Variants in MTIF2 observed in about 807,000 individuals in gnomAD.
MTIF2 encodes mitochondrial translational initiation factor 2.
A neutral mutation model predicts 83.5 loss-of-function variants in MTIF2; 71 were observed. The ratio of observed to expected loss-of-function variants is 0.85; its 90% CI spans 0.70 to 1.04. MTIF2 has a LOEUF of 1.04. Ranked by LOEUF, MTIF2 falls within the 50% of genes least tolerant of loss-of-function variation. The pLI, the probability that MTIF2 is intolerant of heterozygous loss-of-function variation, is 0.00. For missense variants in MTIF2, 957 were observed against 846.5 expected (o/e 1.13, Z -1.62); for synonymous variants, 319 against 287.1 (o/e 1.11, Z -1.12).
chr2:55,237,602 T>G (rs1309487162), intron 14 of MTIF2, among the ~76,000 whole-genome samples, 174 bp from the exon 15 acceptor site: 1 of 151,412 alleles, frequency 6.6e-6, no homozygotes, highest in Non-Finnish European at 1.5e-5. Context: ...ATATTAAGAA[T>G]AAAAATGAAT....
Position 55,240,022 on chromosome 2 carries a change from T to C in MTIF2, c.1859A>G (p.Glu620Gly). ...CAGTGATCACTCACCTACTGGGTGC[T>C]CTTCCACAGCACAGGGTAATCTGCT... ...LSSRLPCAVE[E>G]HPVGEASILA... is the part of the protein sequence containing the mutation. Residue 620 changes from glutamate (E) to glycine (G), a missense_variant, in exon 14 of 16, where the codon GAG becomes GGG. Around this residue, in one of 3 missense-constraint regions of MTIF2, gnomAD observed 221 missense variants for 180.6 expected, o/e 1.22. Transcript: ENST00000263629. The C allele has an allele frequency of 3.7e-6, 6 of 1,609,974 alleles. No homozygotes were observed. The highest frequency in any genetic ancestry group is 5.1e-6 in the Non-Finnish European group (6 of 1,177,794).
rs1676709100 is a variant in MTIF2 at position 55,246,444 on chromosome 2, A to G, written c.999T>C (p.Ala333=). 1 of 1,613,848 alleles carries G rather than the reference A, an allele frequency of 6.2e-7. No individual in the cohort carries two copies. The highest frequency in any genetic ancestry group is 8.5e-7 in the Non-Finnish European group (1 of 1,179,796). ...VSALTGDNLM[A]LAEATVALAE... ...CAAGAGCAACTGTTGCTTCTGCCAA[A>G]GCCATCAGATTATCGCCCTTTAACA... is the stretch of plus-strand genomic sequence containing the variant. Residue 333 remains alanine (A), a synonymous_variant, in exon 10 of 16, where the codon GCT becomes GCC. Coordinates refer to ENST00000263629, the MANE Select transcript of MTIF2 (RefSeq NM_002453.3).
chr2:55,264,734 GGAA>G (rs1156734726), intron 3 of MTIF2, among the ~76,000 whole-genome samples: 3 of 152,146 alleles, frequency 2.0e-5, no homozygotes, highest in African/African-American at 7.2e-5. Context: ...CTTTATAGTA[GGAA>G]GAAGACACCC....
chr2:55,243,678 G>A lies in MTIF2; in HGVS notation c.1312-10C>T. ...CTTCACGTGCCCTTGGCTTTATAGG[G>A]GAAAAACGTATTATTTAATGAAATA... On this transcript the variant is annotated splice_polypyrimidine_tract_variant and intron_variant, in intron 11 of 15. Coordinates refer to ENST00000263629, the MANE Select transcript of MTIF2 (RefSeq NM_002453.3). 6.2e-7 allele frequency: 1 copy of A among 1,607,028 alleles called. No individual in the cohort carries two copies. The highest frequency in any genetic ancestry group is 8.5e-7 in the Non-Finnish European group (1 of 1,177,554).
At chr2:55,262,451 A>C (rs763893858) in intron 4 of MTIF2, 24 bp from the exon 5 acceptor site, 2 of 1,511,722 alleles carry the variant, frequency 1.3e-6, no homozygotes, top group East Asian at 4.5e-5. Flanking sequence ...CAGAACATAT[A>C]AACAAAAAGG....
intron 10 of MTIF2, among the ~76,000 whole-genome samples, chr2:55,245,436 T>G (rs1189180657): frequency 6.6e-6 from 1 of 152,076 alleles, no homozygotes; most frequent in East Asian, 1.9e-4. Flanking sequence ...GGCGGAAGAA[T>G]TGCTTGAACC....
At chr2:55,266,183 TA>T (rs997422430) in intron 3 of MTIF2, among the ~76,000 whole-genome samples, 5 of 152,276 alleles carry the variant, frequency 3.3e-5, no homozygotes, top group African/African-American at 1.2e-4. Flanking sequence ...GCGTTTACCT[TA>T]ACCATATAAA....
chr2:55,263,189 C>G (rs72799509), intron 4 of MTIF2, among the ~76,000 whole-genome samples: 10,704 of 152,214 alleles, frequency 0.07, 505 homozygotes, highest in Admixed American at 0.13. Context: ...AACGAACACT[C>G]CCATAAGTAG....
rs1677374520 is a variant in MTIF2 at position 55,254,648 on chromosome 2, T to G, written c.503+6A>C. On this transcript the variant is annotated splice_donor_region_variant and intron_variant, in intron 6 of 15. Transcript: ENST00000263629. ...AACCCTGCCAGTATATACAGTTAAG[T>G]TTTACCTTCTTACAGCATCTTTATT... The G allele has an allele frequency of 6.3e-7, 1 of 1,593,100 alleles. No individual in the cohort carries two copies. Among genetic ancestry groups the G allele is most frequent in the Non-Finnish European group, 8.5e-7 (1 of 1,170,394 alleles).
chr2:55,254,074 C>T lies in MTIF2; in HGVS notation c.631G>A (p.Gly211Arg), dbSNP rs1213586117. 1.1e-5 allele frequency: 17 copies of T among 1,614,058 alleles called. No individual in the cohort carries two copies. The highest frequency in any genetic ancestry group is 2.2e-5 in the East Asian group (1 of 44,892). Reference sequence around the variant, plus strand: ...GCACCAATGTGCTGAGTGATGCCTCCAGTTTCCACTGCTGCCACTTGAGTT... The same window carrying T: ...GCACCAATGTGCTGAGTGATGCCTCTAGTTTCCACTGCTGCCACTTGAGTT... ...RKTQVAAVETGGITQHIGAFL... is the reference protein window; with the variant it reads ...RKTQVAAVETRGITQHIGAFL... Residue 211 changes from glycine (G) to arginine (R), a missense_variant, in exon 7 of 16, where the codon GGA becomes AGA. Gly to Arg is a moderately radical substitution (Grantham distance 125). This residue lies in a region of MTIF2 where 733 missense variants were observed against 648.7 expected (regional missense o/e 1.13). Transcript: ENST00000263629.
In MTIF2 at chr2:55,254,065, T is replaced by A. The variant is rs200628534; in HGVS notation, c.640A>T (p.Thr214Ser). The change falls in exon 7 of 16, where the codon ACT (threonine) becomes TCT (serine). Residue 214 changes from threonine to serine, a missense_variant. This residue lies in a region of MTIF2 where 733 missense variants were observed against 648.7 expected (regional missense o/e 1.13). Transcript: ENST00000263629. Reference sequence around the variant, plus strand: ...CCAAGAAAGGCACCAATGTGCTGAGTGATGCCTCCAGTTTCCACTGCTGCC... The same window carrying A: ...CCAAGAAAGGCACCAATGTGCTGAGAGATGCCTCCAGTTTCCACTGCTGCC... ...QVAAVETGGI[T>S]QHIGAFLVSL... The A allele has an allele frequency of 6.2e-7, 1 of 1,614,212 alleles. No homozygotes were observed. Among genetic ancestry groups the A allele is most frequent in the Non-Finnish European group, 8.5e-7 (1 of 1,180,030 alleles).
chr2:55,236,700 C>G lies in MTIF2; in HGVS notation c.2132G>C (p.Cys711Ser). 6.2e-7 allele frequency: 1 copy of G among 1,604,526 alleles called. No homozygotes were observed. Among genetic ancestry groups the G allele is most frequent in the South Asian group, 1.1e-5 (1 of 88,336 alleles). ...MEFQVGDRIV[C>S]YEEKQIQAKT... ...GGCTTGAATTTGCTTTTCTTCATAA[C>G]AAACAATTCTGTCTCCCACTTGAAA... Residue 711 changes from cysteine to serine, a missense_variant, in exon 16 of 16, where the codon TGT becomes TCT. Around this residue, in one of 3 missense-constraint regions of MTIF2, gnomAD observed 221 missense variants for 180.6 expected, o/e 1.22. Transcript: ENST00000263629.
rs536036933 is a variant in MTIF2, at chr2:55,237,649, CTTTTTT to C, written c.1871-227_1871-222del. On this transcript the variant is annotated intron_variant, in intron 14 of 15. Coordinates refer to ENST00000263629, the MANE Select transcript of MTIF2 (RefSeq NM_002453.3). ...GCTATTCTTTTCCTTTTCTTTTTTT[CTTTTTT>C]TTTTTTTTTTTTTGAGACAGAGTCT... is the stretch of plus-strand genomic sequence containing the variant. Among the ~76,000 whole-genome samples, 22 of 112,986 alleles carry C rather than the reference CTTTTTT, an allele frequency of 1.9e-4. 1 individual carries two copies. Among genetic ancestry groups the C allele is most frequent in the South Asian group, 5.6e-4 (2 of 3,560 alleles). The allele number at this position is 112,986 out of a possible 152,430, so 74.1% of individuals were successfully genotyped here.
chr2:55,237,173 A>C, intron 15 of MTIF2, 115 bp downstream of exon 15: 1 of 1,207,980 alleles, frequency 8.3e-7, no homozygotes, highest in Non-Finnish European at 1.2e-6. Context: ...TAGCAATAAG[A>C]AATGGCCTGA....
At chr2:55,257,116 G>C (rs1677605375) in intron 5 of MTIF2, among the ~76,000 whole-genome samples, 2 of 152,158 alleles carry the variant, frequency 1.3e-5, no homozygotes, top group African/African-American at 4.8e-5. Context: ...TATCTGTGAT[G>C]ATAATGAAAT....
chr2:55,266,618 TTATA>T (rs1232413099), intron 3 of MTIF2: 1 of 148,730 alleles, frequency 6.7e-6, no homozygotes, highest in African/African-American at 2.4e-5. Flanking sequence ...AACATATATA[TTATA>T]TAAATATATT....
Position 55,241,565 on chromosome 2 carries a change from G to A in MTIF2, c.1705+1375C>T, listed in dbSNP as rs183536446. Among the ~76,000 whole-genome samples, 8 of 152,192 alleles carry A rather than the reference G, an allele frequency of 5.3e-5. No homozygotes were observed. The East Asian group carries it at 7.8e-4, about 15-fold the overall frequency. On this transcript the variant is annotated intron_variant, in intron 13 of 15. Transcript: ENST00000263629. ...CTATCATTAAGAAGCCATTCAGGCC[G>A]GGTGCAGTGGCTCACGCCTGTAATC...
chr2:55,262,037 T>G (rs922413542), intron 5 of MTIF2, among the ~76,000 whole-genome samples: 7 of 151,622 alleles, frequency 4.6e-5, no homozygotes, highest in African/African-American at 1.7e-4. Flanking sequence ...ATTCTTTGGA[T>G]TTATTCTAAT....
In MTIF2 at chr2:55,262,416, T is replaced by A; in HGVS notation, c.231A>T (p.Pro77=). Reference sequence around the variant, plus strand: ...TTGTTGAAGATAACTGAGATTTCCATGGTCCTTCTTCCTATTAAAAAAATC... The same window carrying A: ...TTGTTGAAGATAACTGAGATTTCCAAGGTCCTTCTTCCTATTAAAAAAATC... The part of the protein sequence containing the change: ...RLLVTKKEEG[P]WKSQLSSTKS... Residue 77 remains proline (P), a synonymous_variant, in exon 5 of 16, where the codon CCA becomes CCT. Transcript: ENST00000263629. The A allele has an allele frequency of 6.2e-7, 1 of 1,609,854 alleles. No individual in the cohort carries two copies. The highest frequency in any genetic ancestry group is 8.5e-7 in the Non-Finnish European group (1 of 1,176,812).
Sources: gnomAD v4.1 joint callset for allele counts (sites outside exome capture counted in the v4.1 genomes callset) on GRCh38, gnomAD v4.1.1 for gene constraint, gnomAD v4.1.1 regional missense constraint, MANE v1.5 for transcripts, NCBI Gene and HGNC (gene_info 2026-07-23, HGNC 2026-07-21) for gene names.